Variants in NR3C1 observed in about 807,000 individuals in gnomAD.
NR3C1 encodes nuclear receptor subfamily 3 group C member 1, also known as glucocorticoid receptor.
In NR3C1, 14 loss-of-function variants were observed where a neutral mutation model predicts 74.0. The observed-to-expected ratio is 0.19, with a 90% CI of 0.12 to 0.30. The LOEUF is 0.30. Ranked by LOEUF, NR3C1 falls within the 10% of genes least tolerant of loss-of-function variation. The probability of loss-of-function intolerance (pLI) is 1.00; values close to 1 mark genes in which losing one functional copy is unlikely to be tolerated. For synonymous variants in NR3C1, 308 were observed against 332.5 expected (o/e 0.93, Z 0.80); for missense variants, 695 against 909.8 (o/e 0.76, Z 3.04).
At chr5:143,408,500 A>G (rs1198002708), upstream of NR3C1, among the ~76,000 whole-genome samples, 1 of 152,022 alleles carries the variant, frequency 6.6e-6, no homozygotes, top group Non-Finnish European at 1.5e-5. Context: ...ATGACCTGAA[A>G]TGCTTAATAC....
At chr5:143,327,173 T>C (rs1261549986) in intron 2 of NR3C1, among the ~76,000 whole-genome samples, 2 of 152,142 alleles carry the variant, frequency 1.3e-5, no homozygotes, top group Non-Finnish European at 2.9e-5. Flanking sequence ...AGGAAACTTA[T>C]GATCATGGTG....
At chr5:143,435,153 T>G in exon 1 of NR3C1, 1 of 985,448 alleles carries the variant, frequency 1.0e-6, no homozygotes, top group Non-Finnish European at 1.2e-6. Context: ...ATATTCACAC[T>G]AAGCAATTTT....
chr5:143,359,379 T>C (rs542744045), intron 2 of NR3C1, among the ~76,000 whole-genome samples: 1 of 152,348 alleles, frequency 6.6e-6, no homozygotes, highest in African/African-American at 2.4e-5. Context: ...CATACTTGAG[T>C]GCCTACAATG....
chr5:143,303,187 T>C (rs1818851310), intron 4 of NR3C1, among the ~76,000 whole-genome samples: 1 of 127,454 alleles, frequency 7.8e-6, no homozygotes, highest in Non-Finnish European at 1.5e-5. Flanking sequence ...CTAGAGGAAA[T>C]GGATAAATTG....
chr5:143,369,929 C>G (rs1025448441), intron 2 of NR3C1, among the ~76,000 whole-genome samples: 3 of 152,192 alleles, frequency 2.0e-5, no homozygotes, highest in African/African-American at 7.2e-5. Flanking sequence ...ATTCAGTTAT[C>G]AGTCTCAAGT....
At chr5:143,336,839 G>A (rs1027344100) in intron 2 of NR3C1, among the ~76,000 whole-genome samples, 1 of 151,500 alleles carries the variant, frequency 6.6e-6, no homozygotes, top group Non-Finnish European at 1.5e-5. Context: ...AAAATTAGCG[G>A]GTATGGTGGC....
chr5:143,316,240 G>A (rs1822049636), intron 2 of NR3C1, among the ~76,000 whole-genome samples: 1 of 152,056 alleles, frequency 6.6e-6, no homozygotes, highest in South Asian at 2.1e-4. Context: ...AATGTGTTGG[G>A]GAAGCAAAAA....
intron 2 of NR3C1, among the ~76,000 whole-genome samples, chr5:143,374,526 G>A (rs993990172): frequency 2.7e-5 from 4 of 150,766 alleles, no homozygotes; most frequent in African/African-American, 9.7e-5. Flanking sequence ...AAAAAGACAT[G>A]ATCAGGTGGG....
At chr5:143,424,078 G>GA (rs1489705135) in intron 1 of NR3C1, among the ~76,000 whole-genome samples, 1 of 143,828 alleles carries the variant, frequency 7.0e-6, no homozygotes, top group Non-Finnish European at 1.5e-5. Flanking sequence ...GTGGGGAGGG[G>GA]GGAGGGATAG....
intron 2 of NR3C1, among the ~76,000 whole-genome samples, chr5:143,346,037 C>G (rs1349323627): frequency 6.6e-6 from 1 of 152,172 alleles, no homozygotes; most frequent in Non-Finnish European, 1.5e-5. Flanking sequence ...ATGGCAGGCT[C>G]TTCACCATTA....
chr5:143,322,765 C>G (rs1014104642), intron 2 of NR3C1, among the ~76,000 whole-genome samples: 3 of 152,166 alleles, frequency 2.0e-5, no homozygotes, highest in Non-Finnish European at 2.9e-5. Context: ...CCACATTACC[C>G]CTTTCCTTCC....
rs1237492935 is a variant in NR3C1, at chr5:143,294,312, T to C, written c.2023+1148A>G. 3.2e-6 allele frequency: 3 copies of C among 938,648 alleles called. No individual in the cohort carries two copies. The African/African-American group carries it at 5.3e-5, about 17-fold the overall frequency. 58.1% of individuals were successfully genotyped at this position (938,648 alleles called of 1,614,324 possible). On this transcript the variant is annotated intron_variant, in intron 7 of 8. Coordinates refer to ENST00000394464, the MANE Select transcript of NR3C1 (RefSeq NM_000176.3). ...TGTATATGAAAGAGGTATTCAGCTA[T>C]TAACTCAGTATTTAATAAACATTGA...
chr5:143,394,958 A>T (rs983886533), intron 2 of NR3C1, among the ~76,000 whole-genome samples: 2 of 151,944 alleles, frequency 1.3e-5, no homozygotes, highest in Non-Finnish European at 2.9e-5. Context: ...CTCCACTGGA[A>T]ATTCTGTATT....
chr5:143,414,996 C>CAAGAAA (rs1286725716), intron 1 of NR3C1, among the ~76,000 whole-genome samples: 1 of 151,892 alleles, frequency 6.6e-6, no homozygotes, highest in Non-Finnish European at 1.5e-5. Context: ...TGGGGCCATC[C>CAAGAAA]AAGAAAAATC....
chr5:143,284,707 T>A (rs1279002697), intron 7 of NR3C1, among the ~76,000 whole-genome samples: 1 of 152,074 alleles, frequency 6.6e-6, no homozygotes, highest in African/African-American at 2.4e-5. Flanking sequence ...AGGAAGTAAG[T>A]ACAGCCTGGA....
chr5:143,342,724 A>G (rs1828482135), intron 2 of NR3C1, among the ~76,000 whole-genome samples: 1 of 152,230 alleles, frequency 6.6e-6, no homozygotes, highest in Non-Finnish European at 1.5e-5. Flanking sequence ...AATTGGAATT[A>G]TAACTGCCCT....
chr5:143,405,091 C>G, upstream of NR3C1: 1 of 983,748 alleles, frequency 1.0e-6, no homozygotes, highest in African/African-American at 1.7e-5. Context: ...CGCCCCAGCT[C>G]CCTTCCCCAG....
At chr5:143,416,015 T>C (rs1251280087) in intron 1 of NR3C1, among the ~76,000 whole-genome samples, 1 of 152,196 alleles carries the variant, frequency 6.6e-6, no homozygotes, top group Non-Finnish European at 1.5e-5. Flanking sequence ...GTTAAATGCA[T>C]TAACAATTTA....
chr5:143,425,949 G>A (rs1451584350), intron 1 of NR3C1, among the ~76,000 whole-genome samples: 1 of 152,154 alleles, frequency 6.6e-6, no homozygotes, highest in Non-Finnish European at 1.5e-5. Context: ...ATTCATAATA[G>A]CTAATAAGTG....
Sources: allele counts gnomAD v4.1 joint callset (sites outside exome capture counted in the v4.1 genomes callset), GRCh38; gene constraint gnomAD v4.1.1; transcripts MANE v1.5; gene names NCBI Gene and HGNC (gene_info 2026-07-23, HGNC 2026-07-21).